Variants in USP54 observed in about 807,000 individuals in gnomAD.
The protein encoded by USP54 is ubiquitin carboxyl-terminal hydrolase 54.
In USP54, 87 loss-of-function variants were observed where a neutral mutation model predicts 170.5. The observed-to-expected ratio is 0.51, with a 90% CI of 0.43 to 0.61. The LOEUF is 0.61. Ranked by LOEUF, USP54 falls within the 20% of genes least tolerant of loss-of-function variation. The pLI, the probability that USP54 is intolerant of heterozygous loss-of-function variation, is 0.00. For missense variants in USP54, 1,786 were observed against 2,047.8 expected (o/e 0.87, Z 2.47); for synonymous variants, 655 against 742.8 (o/e 0.88, Z 1.92).
At chr10:73,571,695 A>G (rs41313834) in intron 3 of USP54, among the ~76,000 whole-genome samples, 182 bp from the exon 4 acceptor site, 5,152 of 152,330 alleles carry the variant, frequency 0.034, 123 homozygotes, top group Non-Finnish European at 0.055. Context: ...AGAAAAATAA[A>G]TGGTCATATT....
chr10:73,557,878 CTTT>C (rs765656681), intron 4 of USP54, among the ~76,000 whole-genome samples: 1 of 114,984 alleles, frequency 8.7e-6, no homozygotes. Flanking sequence ...AGCTATTATT[CTTT>C]TTTTTTTTTT....
At chr10:73,581,107 C>T (rs1414733038) in intron 1 of USP54, among the ~76,000 whole-genome samples, 1 of 152,210 alleles carries the variant, frequency 6.6e-6, no homozygotes, top group Non-Finnish European at 1.5e-5. Context: ...CCTACCAATC[C>T]TACTCCTAGG....
Position 73,529,786 on chromosome 10 carries a change from G to A in USP54, c.1954C>T (p.Pro652Ser), listed in dbSNP as rs778904916. ...GATTCCATTCGCTGGATTAGTCGGG[G>A]GTGCTGCTCTAAAAGGTGAGAGCCT... ...RPGSHLLEQH[P>S]RLIQRMESGY... Residue 652 changes from proline (P) to serine (S), a missense_variant, in exon 15 of 24, where the codon CCC becomes TCC. Coordinates refer to ENST00000687698, the MANE Select transcript of USP54 (RefSeq NM_001391956.1). 6.2e-7 allele frequency: 1 copy of A among 1,613,848 alleles called. No homozygotes were observed. Among genetic ancestry groups the A allele is most frequent in the Non-Finnish European group, 8.5e-7 (1 of 1,179,818 alleles).
intron 10 of USP54, among the ~76,000 whole-genome samples, chr10:73,536,916 A>T (rs60376712): frequency 6.6e-6 from 1 of 152,254 alleles, no homozygotes; most frequent in African/African-American, 2.4e-5. Context: ...AACAAATGAC[A>T]TTCAGTTTCA....
intron 21 of USP54, 50 bp downstream of exon 21, chr10:73,505,258 T>TC (rs2058905904): frequency 5.8e-6 from 9 of 1,549,150 alleles, no homozygotes; most frequent in Non-Finnish European, 8.0e-6. Flanking sequence ...CATAATTCCT[T>TC]CCCCAACACA....
In USP54 at chr10:73,504,942, A is replaced by G; in HGVS notation, c.4219T>C (p.Tyr1407His). 1.2e-6 allele frequency: 2 copies of G among 1,614,158 alleles called. No homozygotes were observed. Among genetic ancestry groups the G allele is most frequent in the Non-Finnish European group, 1.7e-6 (2 of 1,180,034 alleles). The change falls in exon 22 of 24, where the codon TAC becomes CAC. Residue 1407 changes from tyrosine (Y) to histidine (H), a missense_variant. Physicochemically the swap from Tyr to His is moderately conservative, Grantham distance 83. This residue lies in a region of USP54 where 1,418 missense variants were observed against 1,569.0 expected (regional missense o/e 0.90). Coordinates refer to ENST00000687698, the MANE Select transcript of USP54 (RefSeq NM_001391956.1). ...ATGCGACGTAAATTCTCTGCACTGT[A>G]CTGCTCATCCTCCCCACACTCCCTG... ...LSRECGEDEQ[Y>H]SAENLRRISR...
chr10:73,570,152 C>G (rs1329460982), intron 4 of USP54, among the ~76,000 whole-genome samples: 1 of 151,912 alleles, frequency 6.6e-6, no homozygotes, highest in Admixed American at 6.6e-5. Flanking sequence ...ACTGTGGAAG[C>G]TTACTCAGAA....
At chr10:73,528,522 C>A (rs1400880374) in intron 15 of USP54, among the ~76,000 whole-genome samples, 1 of 151,928 alleles carries the variant, frequency 6.6e-6, no homozygotes, top group Non-Finnish European at 1.5e-5. Context: ...TCCCAAAGTG[C>A]TGGGATTACA....
intron 1 of USP54, among the ~76,000 whole-genome samples, chr10:73,613,612 C>T (rs899818104): frequency 3.3e-5 from 5 of 151,886 alleles, no homozygotes; most frequent in Admixed American, 1.3e-4. Context: ...AAGGGCTGGG[C>T]GTGGTGGCTC....
intron 18 of USP54, among the ~76,000 whole-genome samples, chr10:73,520,664 T>C (rs570878442): frequency 8.5e-5 from 13 of 152,336 alleles, no homozygotes; most frequent in African/African-American, 2.6e-4. Flanking sequence ...AAGGTAGGCA[T>C]GACTGGAGAA....
At chr10:73,598,498 C>T (rs998178113) in intron 1 of USP54, among the ~76,000 whole-genome samples, 1 of 152,114 alleles carries the variant, frequency 6.6e-6, no homozygotes, top group African/African-American at 2.4e-5. Context: ...AACTTTTGAC[C>T]GGGCACAGTG....
intron 4 of USP54, among the ~76,000 whole-genome samples, chr10:73,562,480 C>T (rs1001310718): frequency 2.6e-5 from 4 of 152,154 alleles, no homozygotes; most frequent in South Asian, 2.1e-4. Flanking sequence ...CATGCATGTA[C>T]CCCTGAACAA....
rs528902654 is a variant in USP54 at position 73,542,581 on chromosome 10, G to A, written c.572+222C>T. Among the ~76,000 whole-genome samples, 15 of 152,170 alleles carry A rather than the reference G, an allele frequency of 9.9e-5. No homozygotes were observed. In the South Asian group the frequency reaches 1.2e-3, roughly 13 times the overall value. ...CTGCTAAAAACACAAAAAAATTAGC[G>A]CAGTGTGTACTATTTGTAAGTAGCT... is the stretch of plus-strand genomic sequence containing the variant. On this transcript the variant is annotated intron_variant, in intron 7 of 23. Coordinates refer to ENST00000687698, the MANE Select transcript of USP54 (RefSeq NM_001391956.1).
intron 17 of USP54, among the ~76,000 whole-genome samples, chr10:73,522,522 G>A (rs1284853806): frequency 6.6e-6 from 1 of 152,098 alleles, no homozygotes; most frequent in Non-Finnish European, 1.5e-5. Flanking sequence ...TGCCCAACTG[G>A]CAGAGAGAGA....
chr10:73,568,916 A>G (rs979649578), intron 4 of USP54, among the ~76,000 whole-genome samples: 5 of 152,214 alleles, frequency 3.3e-5, no homozygotes, highest in African/African-American at 1.2e-4. Context: ...TCTGGCTTAT[A>G]TAATGATACT....
chr10:73,550,846 C>T (rs993114616), intron 4 of USP54, among the ~76,000 whole-genome samples: 1 of 152,122 alleles, frequency 6.6e-6, no homozygotes, highest in Non-Finnish European at 1.5e-5. Flanking sequence ...GTGGCTCACG[C>T]CTGCAATCCC....
chr10:73,561,521 AG>A (rs1349386563), intron 4 of USP54, among the ~76,000 whole-genome samples: 9 of 152,286 alleles, frequency 5.9e-5, no homozygotes, highest in African/African-American at 2.2e-4. Flanking sequence ...TAACTTCTGA[AG>A]CAGAGTTCTG....
chr10:73,501,087 T>C (rs1177430602), intron 22 of USP54, among the ~76,000 whole-genome samples: 2 of 152,180 alleles, frequency 1.3e-5, no homozygotes. Context: ...TTCCCAACCC[T>C]ATCATTCAGG....
Position 73,541,465 on chromosome 10 carries a change from A to T in USP54, c.735T>A (p.Ile245=). 6.2e-7 allele frequency: 1 copy of T among 1,614,182 alleles called. No individual in the cohort carries two copies. The highest frequency in any genetic ancestry group is 8.5e-7 in the Non-Finnish European group (1 of 1,180,028). The change falls in exon 9 of 24, where the codon ATT becomes ATA. Residue 245 remains isoleucine, a synonymous_variant. Coordinates refer to ENST00000687698, the MANE Select transcript of USP54 (RefSeq NM_001391956.1). ...IRRVLMNAPQ[I]ITIGLVWDSD... is the part of the protein sequence containing the mutation. ...AGTCCCATACCAGCCCAATCGTGAT[A>T]ATCTGTGGAGCATTCATCAACACAC...
Sources: gnomAD v4.1 joint callset for allele counts (sites outside exome capture counted in the v4.1 genomes callset) on GRCh38, gnomAD v4.1.1 for gene constraint, gnomAD v4.1.1 regional missense constraint, MANE v1.5 for transcripts, NCBI Gene and HGNC (gene_info 2026-07-23, HGNC 2026-07-21) for gene names.